Variants in PRKG1 observed in about 807,000 individuals in gnomAD.
The protein encoded by PRKG1 is cGMP-dependent protein kinase 1.
In PRKG1, 35 loss-of-function variants were observed where a neutral mutation model predicts 88.1. The ratio of observed to expected loss-of-function variants is 0.40; its 90% CI spans 0.30 to 0.53. The LOEUF (loss-of-function observed/expected upper bound fraction) is 0.53. PRKG1 is among the 20% of genes least tolerant of loss of function. The probability of loss-of-function intolerance (pLI) is 0.59; values close to 1 mark genes in which losing one functional copy is unlikely to be tolerated. For synonymous variants in PRKG1, 303 were observed against 292.5 expected (o/e 1.04, Z -0.37); for missense variants, 540 against 839.8 (o/e 0.64, Z 4.41).
intron 5 of PRKG1, among the ~76,000 whole-genome samples, chr10:51,929,538 A>G (rs1842645897): frequency 6.6e-6 from 1 of 151,654 alleles, no homozygotes; most frequent in African/African-American, 2.4e-5. Context: ...TTTAGTAGAG[A>G]TGGGTTTTCA....
intron 5 of PRKG1, among the ~76,000 whole-genome samples, chr10:51,947,915 C>T (rs1017888009): frequency 5.9e-5 from 9 of 152,208 alleles, no homozygotes; most frequent in East Asian, 1.9e-4. Flanking sequence ...ACTCAGCAGA[C>T]GGCACCTACC....
intron 3 of PRKG1, among the ~76,000 whole-genome samples, chr10:51,499,188 G>A (rs1840951282): frequency 6.6e-6 from 1 of 152,204 alleles, no homozygotes; most frequent in African/African-American, 2.4e-5. Flanking sequence ...AGAGCTCTGA[G>A]TACATGCAGA....
chr10:51,058,861 C>T (rs997452832), intron 1 of PRKG1, among the ~76,000 whole-genome samples: 1 of 152,094 alleles, frequency 6.6e-6, no homozygotes. Flanking sequence ...GCACAAGATT[C>T]ATTTACTTGA....
chr10:52,052,777 G>A (rs1846021756), intron 5 of PRKG1, among the ~76,000 whole-genome samples: 1 of 152,020 alleles, frequency 6.6e-6, no homozygotes, highest in Non-Finnish European at 1.5e-5. Flanking sequence ...TCTCCCACCA[G>A]GTCCCTCCTA....
intron 5 of PRKG1, among the ~76,000 whole-genome samples, chr10:52,054,189 T>G (rs548038201): frequency 2.6e-5 from 4 of 152,268 alleles, no homozygotes; most frequent in Admixed American, 6.5e-5. Flanking sequence ...ATGAGCATTA[T>G]AGCACACCAG....
intron 2 of PRKG1, among the ~76,000 whole-genome samples, chr10:51,156,830 A>G (rs1307088213): frequency 6.6e-6 from 1 of 152,000 alleles, no homozygotes; most frequent in Non-Finnish European, 1.5e-5. Context: ...TGTTCTTGCT[A>G]TAGATGGATT....
At chr10:51,811,116 C>A (rs1839445499) in intron 4 of PRKG1, among the ~76,000 whole-genome samples, 1 of 152,174 alleles carries the variant, frequency 6.6e-6, no homozygotes, top group Admixed American at 6.5e-5. Context: ...GTTTCTGAAT[C>A]TCTAGCCTGA....
intron 9 of PRKG1, among the ~76,000 whole-genome samples, chr10:52,223,453 T>G (rs1362034288): frequency 6.6e-6 from 1 of 152,180 alleles, no homozygotes; most frequent in Non-Finnish European, 1.5e-5. Flanking sequence ...CTGTTCCATC[T>G]CTGCTACTTT....
At chr10:51,992,685 T>C (rs1182110253) in intron 5 of PRKG1, among the ~76,000 whole-genome samples, 2 of 152,154 alleles carry the variant, frequency 1.3e-5, no homozygotes, top group African/African-American at 4.8e-5. Flanking sequence ...CTGGCTTACT[T>C]AGACATCCAG....
At chr10:51,823,763 A>G (rs1413044897) in intron 4 of PRKG1, among the ~76,000 whole-genome samples, 2 of 151,986 alleles carry the variant, frequency 1.3e-5, no homozygotes, top group Non-Finnish European at 2.9e-5. Flanking sequence ...GTAGTATTCC[A>G]TAGAAATGTT....
intron 2 of PRKG1, among the ~76,000 whole-genome samples, chr10:51,181,283 G>T (rs1372026487): frequency 8.1e-6 from 1 of 123,914 alleles, no homozygotes; most frequent in Non-Finnish European, 1.6e-5. Context: ...CGCCCAGGCC[G>T]GGCTGCGGAC....
chr10:51,029,394 G>T (rs1027465145), intron 1 of PRKG1, among the ~76,000 whole-genome samples: 1 of 152,100 alleles, frequency 6.6e-6, no homozygotes, highest in Non-Finnish European at 1.5e-5. Flanking sequence ...ATTTGAGAAA[G>T]GTCTCAGTAC....
At chr10:51,091,456 TATAA>T (rs1375722445) in intron 1 of PRKG1, among the ~76,000 whole-genome samples, 1 of 152,208 alleles carries the variant, frequency 6.6e-6, no homozygotes, top group Non-Finnish European at 1.5e-5. Context: ...ATACCTTTCA[TATAA>T]ATAAGCATTT....
chr10:51,183,077 T>G (rs558345270), intron 2 of PRKG1, among the ~76,000 whole-genome samples: 1 of 152,330 alleles, frequency 6.6e-6, no homozygotes, highest in South Asian at 2.1e-4. Context: ...GTTTTTCTGG[T>G]CCTTTTACCT....
At chr10:52,171,194 T>C (rs550272798) in intron 9 of PRKG1, among the ~76,000 whole-genome samples, 2 of 150,704 alleles carry the variant, frequency 1.3e-5, no homozygotes, top group Non-Finnish European at 3.0e-5. Flanking sequence ...AGTATTCCCA[T>C]AATCTTATCA....
chr10:52,220,765 G>A (rs558954609), intron 9 of PRKG1, among the ~76,000 whole-genome samples: 16 of 152,156 alleles, frequency 1.1e-4, no homozygotes, highest in East Asian at 5.8e-4. Flanking sequence ...TTTTATGACC[G>A]TATAGTATTC....
intron 2 of PRKG1, among the ~76,000 whole-genome samples, chr10:51,332,921 C>A (rs1415817908): frequency 6.6e-6 from 1 of 152,178 alleles, no homozygotes; most frequent in African/African-American, 2.4e-5. Flanking sequence ...AACATTTATT[C>A]AGTGCTAACT....
At chr10:51,033,751 A>G (rs905409840) in intron 1 of PRKG1, among the ~76,000 whole-genome samples, 3 of 152,200 alleles carry the variant, frequency 2.0e-5, no homozygotes, top group Admixed American at 2.0e-4. Context: ...TGTTTGCAGA[A>G]GAAAGGCCAT....
At chr10:51,779,954 C>T (rs933078984) in intron 3 of PRKG1, among the ~76,000 whole-genome samples, 1 of 152,084 alleles carries the variant, frequency 6.6e-6, no homozygotes, top group African/African-American at 2.4e-5. Flanking sequence ...AGTTTTCCAT[C>T]CAAGATTCTG....
Sources: gnomAD v4.1 joint callset for allele counts (sites outside exome capture counted in the v4.1 genomes callset) on GRCh38, gnomAD v4.1.1 for gene constraint, MANE v1.5 for transcripts, NCBI Gene and HGNC (gene_info 2026-07-23, HGNC 2026-07-21) for gene names.